Variants in ST7 observed in about 807,000 individuals in gnomAD.
ST7 encodes the protein suppression of tumorigenicity 7.
Under a neutral mutation model 78.7 loss-of-function variants are expected in ST7, and 28 were observed. The ratio of observed to expected loss-of-function variants is 0.36; its 90% confidence interval spans 0.26 to 0.49. The LOEUF is 0.49. Ranked by LOEUF, ST7 falls within the 20% of genes least tolerant of loss-of-function variation. The pLI is 0.99. For synonymous variants in ST7, 247 were observed against 249.6 expected, an observed-to-expected ratio of 0.99 and a Z score of 0.10; for missense variants, 418 against 696.0, an observed-to-expected ratio of 0.60 and a Z score of 4.49.
chr7:117,220,264 C>G (rs778336687), intron 14 of ST7, among the ~76,000 whole-genome samples: 4 of 152,188 alleles, frequency 2.6e-5, no homozygotes, highest in Admixed American at 6.5e-5. Flanking sequence ...ACTTGCCTTC[C>G]TGCCAGCCAG....
chr7:117,142,560 A>G (rs1259237855), intron 9 of ST7, among the ~76,000 whole-genome samples: 1 of 151,964 alleles, frequency 6.6e-6, no homozygotes, highest in Non-Finnish European at 1.5e-5. Context: ...CCACTGATCT[A>G]GAGAATCTTG....
chr7:117,040,974 C>T (rs1276265843), intron 1 of ST7, among the ~76,000 whole-genome samples: 1 of 152,218 alleles, frequency 6.6e-6, no homozygotes, highest in Non-Finnish European at 1.5e-5. Flanking sequence ...ACTTCCTTCA[C>T]TATCTACCCC....
At position 117,179,854 on chromosome 7, in the gene ST7, A is replaced by T. The variant is rs182520455; in HGVS notation, c.1078+8878A>T. Among the ~76,000 whole-genome samples, 455 of 152,200 alleles carry T rather than the reference A, an allele frequency of 3.0e-3. 4 individuals carry two copies. Among genetic ancestry groups the T allele is most frequent in the African/African-American group, 0.011 (436 of 41,512 alleles). ...TCACACCATGCCCCCTTTTGAGTGG[A>T]GGTACTTGAGAAATCACAGTGGGAA... On this transcript the variant is annotated intron_variant, in intron 10 of 15. Coordinates refer to ENST00000323984, the MANE Select transcript of ST7 (RefSeq NM_001369598.1).
At chr7:117,069,955 C>T (rs538164462) in intron 1 of ST7, among the ~76,000 whole-genome samples, 6 of 152,242 alleles carry the variant, frequency 3.9e-5, no homozygotes, top group South Asian at 2.1e-4. Flanking sequence ...GCAATATATC[C>T]GTGATTACTT....
chr7:117,178,695 T>C (rs1207314616), intron 10 of ST7, among the ~76,000 whole-genome samples: 1 of 152,232 alleles, frequency 6.6e-6, no homozygotes, highest in Non-Finnish European at 1.5e-5. Flanking sequence ...TGATTGTTAT[T>C]ACTGGGAGAT....
intron 1 of ST7, among the ~76,000 whole-genome samples, chr7:116,992,439 C>T (rs1042632506): frequency 6.6e-6 from 1 of 152,350 alleles, no homozygotes; most frequent in Admixed American, 6.5e-5. Flanking sequence ...GGGCTTGCAT[C>T]CTCTGAAGCC....
chr7:117,152,207 A>ATATATC (rs1435042690), intron 9 of ST7, among the ~76,000 whole-genome samples: 1 of 108,046 alleles, frequency 9.3e-6, no homozygotes, highest in Admixed American at 9.1e-5. Flanking sequence ...ATATATATAT[A>ATATATC]TATATATATA....
intron 1 of ST7, among the ~76,000 whole-genome samples, chr7:117,000,362 G>A (rs769356991): frequency 6.6e-6 from 1 of 152,158 alleles, no homozygotes; most frequent in Non-Finnish European, 1.5e-5. Context: ...TGTGACTGAG[G>A]AAGTGAATAT....
At chr7:117,022,892 T>A (rs1795995184) in intron 1 of ST7, 1 of 152,194 alleles carries the variant, frequency 6.6e-6, no homozygotes, top group Non-Finnish European at 1.5e-5. Context: ...TGCCCATGTT[T>A]ATACCCATAG....
At chr7:116,954,872 T>C (rs1792369412) in intron 1 of ST7, 1 of 310,072 alleles carries the variant, frequency 3.2e-6, no homozygotes, top group Non-Finnish European at 6.3e-6. Flanking sequence ...ACGCTTGAGA[T>C]AATGTACTCA....
chr7:117,094,914 CTT>C (rs1320238604), intron 1 of ST7, among the ~76,000 whole-genome samples: 2 of 152,100 alleles, frequency 1.3e-5, no homozygotes, highest in South Asian at 4.2e-4. Flanking sequence ...ATCTTAATAA[CTT>C]TTATTTTTTT....
intron 1 of ST7, among the ~76,000 whole-genome samples, chr7:117,005,887 A>G (rs1795136790): frequency 6.6e-6 from 1 of 152,214 alleles, no homozygotes; most frequent in Non-Finnish European, 1.5e-5. Context: ...GACATAAATA[A>G]ATACGTAGAT....
intron 1 of ST7, among the ~76,000 whole-genome samples, chr7:117,092,860 G>A (rs878993975): frequency 6.6e-6 from 1 of 152,186 alleles, no homozygotes; most frequent in East Asian, 1.9e-4. Flanking sequence ...CAGTCTTCGG[G>A]CCTGGAAGGT....
intron 1 of ST7, chr7:116,973,004 A>G: frequency 1.4e-6 from 1 of 722,198 alleles, no homozygotes; most frequent in Non-Finnish European, 2.5e-6. Context: ...TTATTCACTT[A>G]TCCATTCATT....
At chr7:117,053,725 T>C (rs1797909440) in intron 1 of ST7, among the ~76,000 whole-genome samples, 3 of 152,230 alleles carry the variant, frequency 2.0e-5, no homozygotes, top group Admixed American at 2.0e-4. Flanking sequence ...TAGATGCTCT[T>C]ATAATTTATG....
chr7:116,965,827 A>G (rs1029242581), intron 1 of ST7: 1 of 168,086 alleles, frequency 5.9e-6, no homozygotes, highest in South Asian at 1.9e-4. Flanking sequence ...CAAAGTTTGC[A>G]TGAAATATGG....
intron 1 of ST7, among the ~76,000 whole-genome samples, chr7:117,001,893 G>A (rs1585124683): frequency 6.6e-6 from 1 of 152,128 alleles, no homozygotes; most frequent in East Asian, 1.9e-4. Flanking sequence ...GAAAGTACAT[G>A]GACAAGACAT....
At chr7:117,073,207 CTATT>C (rs1799098784) in intron 1 of ST7, 1 of 152,036 alleles carries the variant, frequency 6.6e-6, no homozygotes. Flanking sequence ...AATCAATAGA[CTATT>C]TAACCACATC....
intron 3 of ST7, among the ~76,000 whole-genome samples, chr7:117,128,758 G>A (rs1804082594): frequency 6.6e-6 from 1 of 151,894 alleles, no homozygotes; most frequent in Admixed American, 6.6e-5. Context: ...CTCAGTGGAT[G>A]GATGGATGTT....
Sources: allele counts gnomAD v4.1 joint callset (sites outside exome capture counted in the v4.1 genomes callset), GRCh38; gene constraint gnomAD v4.1.1; transcripts MANE v1.5; gene names NCBI Gene and HGNC (gene_info 2026-07-23, HGNC 2026-07-21).